ADGRD1: variants seen among roughly 807,000 people sequenced by gnomAD.
ADGRD1 encodes adhesion G protein-coupled receptor D1.
Under a neutral mutation model 113.4 loss-of-function variants are expected in ADGRD1, and 77 were observed. The ratio of observed to expected loss-of-function variants is 0.68; its 90% CI spans 0.57 to 0.82. ADGRD1 has a LOEUF of 0.82. ADGRD1 is among the 40% of genes least tolerant of loss of function. ADGRD1 has a pLI of 0.00. For synonymous variants in ADGRD1, 474 were observed against 475.0 expected (o/e 1.00, Z 0.03); for missense variants, 1,036 against 1,139.1 (o/e 0.91, Z 1.30).
At chr12:131,100,101 G>C (rs2137298191) in intron 15 of ADGRD1, among the ~76,000 whole-genome samples, 1 of 152,002 alleles carries the variant, frequency 6.6e-6, no homozygotes, top group South Asian at 2.1e-4. Context: ...TTGATAATCA[G>C]GTTGATTGAT....
rs532592391 is a variant in ADGRD1, at chr12:131,135,544, C to A, written c.2268-493C>A. On this transcript the variant is annotated intron_variant, in intron 21 of 24. Coordinates refer to ENST00000261654, the MANE Select transcript of ADGRD1 (RefSeq NM_198827.5). ...GGGCTCGGGTGATCAGCGGGGGACA[C>A]GCGGGCTGCAGCCCAGTGAGGCCTG... 5.3e-5 allele frequency among the ~76,000 whole-genome samples: 8 copies of A among 152,278 alleles called. No homozygotes were observed. The South Asian group carries it at 1.5e-3, about 28-fold the overall frequency.
chr12:131,108,913 G>T, intron 18 of ADGRD1, 36 bp downstream of exon 18: 5 of 971,892 alleles, frequency 5.1e-6, no homozygotes, highest in Non-Finnish European at 6.3e-6. Context: ...GGCGGGGCGG[G>T]AGGGACAGGA....
chr12:131,046,038 C>T (rs1882678471), intron 13 of ADGRD1, among the ~76,000 whole-genome samples: 1 of 150,214 alleles, frequency 6.7e-6, no homozygotes, highest in Admixed American at 6.6e-5. Flanking sequence ...TCAGTGTCCT[C>T]CCTGGTCAGC....
intron 12 of ADGRD1, among the ~76,000 whole-genome samples, chr12:131,011,928 T>C (rs935290833): frequency 6.6e-6 from 1 of 151,960 alleles, no homozygotes; most frequent in African/African-American, 2.4e-5. Flanking sequence ...TTCTGCTGAG[T>C]GAGTCAGGCT....
At chr12:131,099,418 C>A (rs1950017998) in intron 15 of ADGRD1, among the ~76,000 whole-genome samples, 1 of 152,320 alleles carries the variant, frequency 6.6e-6, no homozygotes, top group South Asian at 2.1e-4. Flanking sequence ...ATGTGTGTTA[C>A]AACTAGAAAG....
chr12:131,011,665 TG>T (rs1877912218), intron 12 of ADGRD1, among the ~76,000 whole-genome samples: 1 of 152,226 alleles, frequency 6.6e-6, no homozygotes, highest in South Asian at 2.1e-4. Context: ...CAAATCATGC[TG>T]CGTGTTTAGG....
intron 13 of ADGRD1, among the ~76,000 whole-genome samples, chr12:131,018,247 A>G (rs1169928877): frequency 6.6e-6 from 1 of 152,020 alleles, no homozygotes; most frequent in Non-Finnish European, 1.5e-5. Flanking sequence ...GGTGGCAGTA[A>G]ACTGAATCAC....
rs531073358 is a variant in ADGRD1 at position 130,971,920 on chromosome 12, T to C, written c.310+340T>C. On this transcript the variant is annotated intron_variant, in intron 4 of 24. Coordinates refer to ENST00000261654, the MANE Select transcript of ADGRD1 (RefSeq NM_198827.5). This position sits in a 1 kb window ranked among gnomAD's most constrained non-coding sequence, Gnocchi z 4.2. Reference sequence around the variant, plus strand: ...GGCCGTGGCGTTTGTGGGAAGGAAATTGATGGCATGGCACCTGCAGTGTGA... The same window carrying C: ...GGCCGTGGCGTTTGTGGGAAGGAAACTGATGGCATGGCACCTGCAGTGTGA... 2.7e-4 allele frequency among the ~76,000 whole-genome samples: 41 copies of C among 152,164 alleles called. No individual in the cohort carries two copies. Among genetic ancestry groups the C allele is most frequent in the Middle Eastern group, 3.4e-3 (1 of 294 alleles).
intron 13 of ADGRD1, among the ~76,000 whole-genome samples, chr12:131,039,288 G>A (rs1043754519): frequency 9.2e-5 from 14 of 152,216 alleles, no homozygotes; most frequent in South Asian, 4.1e-4. Context: ...CCTGGCCCCT[G>A]CAGGCTCCAG....
chr12:131,077,377 TG>T (rs1456743578), intron 14 of ADGRD1, among the ~76,000 whole-genome samples: 7 of 152,184 alleles, frequency 4.6e-5, no homozygotes, highest in Admixed American at 2.6e-4. Flanking sequence ...GGGCCCTGAC[TG>T]GGACGTCCTC....
chr12:131,115,697 C>T lies in ADGRD1; in HGVS notation c.2042-2688C>T, dbSNP rs149546558. 2.1e-3 allele frequency among the ~76,000 whole-genome samples: 324 copies of T among 152,306 alleles called. 2 individuals are homozygous for T. The highest frequency in any genetic ancestry group is 0.01 in the South Asian group (50 of 4,828). ...TCTGATGACAGGGCCAGAGGGACTT[C>T]ACATTGTCCGCAGAAGCATGTTCCA... On this transcript the variant is annotated intron_variant, in intron 18 of 24. Coordinates refer to ENST00000261654, the MANE Select transcript of ADGRD1 (RefSeq NM_198827.5).
At position 131,002,578 on chromosome 12, in the gene ADGRD1, T is replaced by C. The variant is rs1192983414; in HGVS notation, c.1027-607T>C. ...GGCTTAAGAGAGGCCTCTCCCCTGG[T>C]GATGTGTGTCTGAGGATGAGGGCCC... On this transcript the variant is annotated intron_variant, in intron 9 of 24. Coordinates refer to ENST00000261654, the MANE Select transcript of ADGRD1 (RefSeq NM_198827.5). The C allele has an allele frequency of 3.8e-6, 4 of 1,047,870 alleles. No individual in the cohort carries two copies. The African/African-American group carries it at 6.9e-5, about 18-fold the overall frequency. 64.9% of individuals were successfully genotyped at this position (1,047,870 alleles called of 1,614,324 possible). A position where few individuals can be genotyped will look rare whatever the true frequency, so the allele number is the denominator to read the frequency against.
intron 13 of ADGRD1, among the ~76,000 whole-genome samples, chr12:131,024,969 G>A (rs1300435857): frequency 6.6e-6 from 1 of 152,192 alleles, no homozygotes; most frequent in Non-Finnish European, 1.5e-5. Context: ...AACCGTCTCT[G>A]CAGGCACTTC....
At chr12:131,011,221 T>G (rs4759536) in intron 12 of ADGRD1, among the ~76,000 whole-genome samples, 1 of 143,330 alleles carries the variant, frequency 7.0e-6, no homozygotes. Flanking sequence ...CCACCTTTAC[T>G]GGAGGAAAAT....
At chr12:131,048,405 G>A (rs2137029939) in intron 13 of ADGRD1, among the ~76,000 whole-genome samples, 1 of 152,328 alleles carries the variant, frequency 6.6e-6, no homozygotes, top group East Asian at 1.9e-4. Flanking sequence ...ATCCTCGGGT[G>A]TCTTCCTGCA....
intron 13 of ADGRD1, among the ~76,000 whole-genome samples, chr12:131,054,441 C>T (rs1388931764): frequency 6.6e-6 from 1 of 152,226 alleles, no homozygotes; most frequent in African/African-American, 2.4e-5. Context: ...TTTTGCTAAG[C>T]CATTAGTGTC....
intron 20 of ADGRD1, among the ~76,000 whole-genome samples, chr12:131,127,990 G>T (rs1435711224): frequency 1.0e-5 from 1 of 98,988 alleles, no homozygotes; most frequent in African/African-American, 4.9e-5. Flanking sequence ...CTCAGGTGGG[G>T]TGTTGGTTGG....
chr12:131,100,152 G>A (rs1032391816), intron 15 of ADGRD1, among the ~76,000 whole-genome samples: 1 of 151,784 alleles, frequency 6.6e-6, no homozygotes, highest in African/African-American at 2.4e-5. Flanking sequence ...GTTGGTTAAT[G>A]GTTAGGTTAG....
At position 131,037,661 on chromosome 12, in the gene ADGRD1, G is replaced by A. The variant is rs1341058719; in HGVS notation, c.1473+23321G>A. Among the ~76,000 whole-genome samples, 3 of 37,372 alleles carry A rather than the reference G, an allele frequency of 8.0e-5. 1 individual carries two copies. The highest frequency in any genetic ancestry group is 3.8e-4 in the East Asian group (1 of 2,620). The allele number at this position is 37,372 out of a possible 152,430, so 24.5% of individuals were successfully genotyped here. ...TGCATGGGGCCTCACTCACTGCACC[G>A]GGTCTCACTCACTGCACTGGGTCTT... On this transcript the variant is annotated intron_variant, in intron 13 of 24. Transcript: ENST00000261654.
Sources: allele counts gnomAD v4.1 joint callset (sites outside exome capture counted in the v4.1 genomes callset), GRCh38; gene constraint gnomAD v4.1.1; non-coding constraint Gnocchi (gnomAD v3.1); transcripts MANE v1.5; gene names NCBI Gene and HGNC (gene_info 2026-07-23, HGNC 2026-07-21).